Variants in ERC1 observed in about 807,000 individuals in gnomAD.
The protein encoded by ERC1 is ELKS/RAB6-interacting/CAST family member 1.
In ERC1, 56 loss-of-function variants were observed where a neutral mutation model predicts 132.0. The observed-to-expected ratio is 0.42, with a 90% CI of 0.34 to 0.53. The LOEUF is 0.53. Ranked by LOEUF, ERC1 falls within the 20% of genes least tolerant of loss-of-function variation. The pLI, the probability that ERC1 is intolerant of heterozygous loss-of-function variation, is 0.03. For missense variants in ERC1, 1,202 were observed against 1,349.9 expected (o/e 0.89, Z 1.72); for synonymous variants, 478 against 476.1 (o/e 1.00, Z -0.05).
chr12:1,307,517 T>C (rs1203850697), intron 15 of ERC1, among the ~76,000 whole-genome samples: 3 of 152,354 alleles, frequency 2.0e-5, no homozygotes, highest in East Asian at 3.9e-4. Context: ...CCTACTACTT[T>C]TAGCTGTGGG....
Position 1,077,201 on chromosome 12 carries a change from C to T in ERC1, c.670-5963C>T, listed in dbSNP as rs114432539. Among the ~76,000 whole-genome samples the T allele has an allele frequency of 4.9e-3, 740 of 152,220 alleles. 3 individuals carry two copies. Among genetic ancestry groups the T allele is most frequent in the African/African-American group, 0.017 (693 of 41,536 alleles). ...CTCTGTGATATATTTTGTTTGTAAT[C>T]ATGACCATTTCACGTGTCCATAATT... is the stretch of plus-strand genomic sequence containing the variant. On this transcript the variant is annotated intron_variant, in intron 2 of 18. Coordinates refer to ENST00000360905, the MANE Select transcript of ERC1 (RefSeq NM_178040.4).
At chr12:1,305,442 C>T (rs897975301) in intron 15 of ERC1, among the ~76,000 whole-genome samples, 4 of 152,152 alleles carry the variant, frequency 2.6e-5, no homozygotes, top group African/African-American at 4.8e-5. Flanking sequence ...TCCATCTCCT[C>T]CTGAGCCCCA....
intron 15 of ERC1, among the ~76,000 whole-genome samples, chr12:1,353,347 C>T (rs564447398): frequency 2.1e-4 from 32 of 152,184 alleles, no homozygotes; most frequent in Admixed American, 1.7e-3. Context: ...AATGCTTTAA[C>T]GCTAAAGAGA....
chr12:1,238,232 C>T (rs2154304095), intron 13 of ERC1, among the ~76,000 whole-genome samples: 1 of 146,324 alleles, frequency 6.8e-6, no homozygotes, highest in Admixed American at 6.9e-5. Context: ...ATTTATATTT[C>T]TCTGATTACC....
intron 18 of ERC1, among the ~76,000 whole-genome samples, chr12:1,466,940 G>A (rs2154425599): frequency 6.6e-6 from 1 of 152,252 alleles, no homozygotes; most frequent in South Asian, 2.1e-4. Context: ...AGGCACAAAA[G>A]GAAGTGCCCC....
At chr12:1,107,187 C>G (rs1945355571) in intron 4 of ERC1, among the ~76,000 whole-genome samples, 1 of 151,988 alleles carries the variant, frequency 6.6e-6, no homozygotes, top group Non-Finnish European at 1.5e-5. Context: ...CTTTCTCTTC[C>G]TCCCCTTTCT....
At chr12:1,373,724 G>A (rs1232460514) in intron 16 of ERC1, among the ~76,000 whole-genome samples, 1 of 152,198 alleles carries the variant, frequency 6.6e-6, no homozygotes, top group Non-Finnish European at 1.5e-5. Context: ...AGCTTGCAGT[G>A]AGCTGAGATC....
At chr12:1,420,196 A>T (rs1293482179) in intron 17 of ERC1, among the ~76,000 whole-genome samples, 3 of 146,248 alleles carry the variant, frequency 2.1e-5, no homozygotes, top group Admixed American at 6.8e-5. Flanking sequence ...TTTAACAAAG[A>T]TACACACCTA....
rs780798333 is a variant in ERC1, at chr12:1,444,664, C to T, written c.3127C>T (p.Arg1043Cys). The T allele has an allele frequency of 5.9e-5, 96 of 1,613,920 alleles. No homozygotes were observed. In the Middle Eastern group the frequency reaches 8.2e-4, roughly 14 times the overall value. The change falls in exon 18 of 19, where the codon CGT (arginine) becomes TGT (cysteine). Residue 1043 changes from arginine (R) to cysteine (C), a missense_variant. By Grantham distance (180) the Arg-to-Cys change is radical (BLOSUM62 -3). Transcript: ENST00000360905. The part of the protein sequence containing the change: ...LCHDRDPLIL[R>C]GLTPPASYNL... ...CCATGACCGAGACCCCCTGATCCTC[C>T]GTGGACTCACTCCACCAGCTTCCTA...
chr12:1,083,026 C>A, intron 2 of ERC1, 138 bp from the exon 3 acceptor site: 1 of 695,276 alleles, frequency 1.4e-6, no homozygotes. Flanking sequence ...TTTTAAGGAC[C>A]TGTAAAACAG....
At chr12:991,494 C>T (rs1284021480) in intron 1 of ERC1, 172 bp downstream of exon 1, 1 of 152,250 alleles carries the variant, frequency 6.6e-6, no homozygotes, top group Non-Finnish European at 1.5e-5. Flanking sequence ...GTAGGTGAGG[C>T]TTCGCGACCC....
chr12:1,221,392 A>G (rs7971670), intron 12 of ERC1, among the ~76,000 whole-genome samples: 65,138 of 152,104 alleles, frequency 0.43, 15,689 homozygotes, highest in African/African-American at 0.65. Flanking sequence ...GAGAATAAGC[A>G]TAGAAATAAA....
intron 1 of ERC1, among the ~76,000 whole-genome samples, chr12:1,005,821 A>T (rs1001080181): frequency 2.6e-5 from 4 of 152,156 alleles, no homozygotes; most frequent in African/African-American, 7.2e-5. Context: ...AAGTATATAC[A>T]TGTATATTTT....
intron 7 of ERC1, among the ~76,000 whole-genome samples, chr12:1,135,408 A>G (rs777812493): frequency 3.9e-5 from 6 of 152,142 alleles, no homozygotes; most frequent in African/African-American, 7.2e-5. Flanking sequence ...ATGCTGATCT[A>G]TGAATTTGAA....
At chr12:1,221,864 AATAT>A in intron 12 of ERC1, among the ~76,000 whole-genome samples, 1 of 152,290 alleles carries the variant, frequency 6.6e-6, no homozygotes, top group South Asian at 2.1e-4. Context: ...GCACGTGTGC[AATAT>A]ATATAGTCAT....
intron 1 of ERC1, among the ~76,000 whole-genome samples, chr12:1,004,451 G>C (rs2154134045): frequency 7.5e-6 from 1 of 132,578 alleles, no homozygotes; most frequent in Admixed American, 8.6e-5. Context: ...CTCTCGCCCA[G>C]GCTGGAGTGC....
intron 3 of ERC1, among the ~76,000 whole-genome samples, chr12:1,094,075 G>T (rs1943687215): frequency 6.8e-6 from 1 of 147,934 alleles, no homozygotes; most frequent in Non-Finnish European, 1.5e-5. Context: ...CTGGGGTGCA[G>T]TGGTGCAATC....
At chr12:1,205,912 A>C (rs889796126) in intron 12 of ERC1, among the ~76,000 whole-genome samples, 1 of 152,084 alleles carries the variant, frequency 6.6e-6, no homozygotes, top group Non-Finnish European at 1.5e-5. Flanking sequence ...GTCTCTCTAA[A>C]TGAAACCCTG....
At chr12:1,072,042 A>C (rs1480569200) in intron 2 of ERC1, among the ~76,000 whole-genome samples, 1 of 152,022 alleles carries the variant, frequency 6.6e-6, no homozygotes, top group Non-Finnish European at 1.5e-5. Context: ...TGGAGGTTGC[A>C]ATGAGCCAAG....
Sources: gnomAD v4.1 joint callset for allele counts (sites outside exome capture counted in the v4.1 genomes callset) on GRCh38, gnomAD v4.1.1 for gene constraint, MANE v1.5 for transcripts, NCBI Gene and HGNC (gene_info 2026-07-23, HGNC 2026-07-21) for gene names.